The following TCF7L2 variants were observed in gnomAD, a reference collection of about 807,000 sequenced individuals.
TCF7L2 encodes the protein transcription factor 7 like 2, also known as transcription factor 7-like 2.
A neutral mutation model predicts 77.9 loss-of-function variants in TCF7L2; 23 were observed. The ratio of observed to expected loss-of-function variants is 0.30; its 90% CI spans 0.21 to 0.42. TCF7L2 has a LOEUF of 0.42. TCF7L2 is among the 10% of genes least tolerant of loss of function. The pLI, the probability that TCF7L2 is intolerant of heterozygous loss-of-function variation, is 1.00. For synonymous variants in TCF7L2, 413 were observed against 340.2 expected, an observed-to-expected ratio of 1.21 and a Z score of -2.36; for missense variants, 654 against 793.1, an observed-to-expected ratio of 0.82 and a Z score of 2.11.
rs141751715 is a variant in TCF7L2, at chr10:113,045,610, C to A, written c.552+5484C>A. ...GGCCAGAGACTGGGCTTCTGGGTGT[C>A]GTGCTGTGACTGCTGCAAAGGGCTC... is the stretch of plus-strand genomic sequence containing the variant. On this transcript the variant is annotated intron_variant, in intron 5 of 13. Transcript: ENST00000627217. 3.0e-3 allele frequency among the ~76,000 whole-genome samples: 461 copies of A among 152,150 alleles called. 1 individual carries two copies. The highest frequency in any genetic ancestry group is 0.02 in the Middle Eastern group (6 of 294).
At chr10:113,156,011 C>T (rs554854082) in intron 11 of TCF7L2, among the ~76,000 whole-genome samples, 1 of 152,340 alleles carries the variant, frequency 6.6e-6, no homozygotes, top group Admixed American at 6.5e-5. Context: ...TAGGCCATTT[C>T]TACAACAGAT....
At chr10:112,970,960 A>G (rs184462707) in intron 4 of TCF7L2, among the ~76,000 whole-genome samples, 40 of 152,316 alleles carry the variant, frequency 2.6e-4, no homozygotes, top group Non-Finnish European at 4.4e-5. Flanking sequence ...TCATTTCACT[A>G]GAGTAGTTTG....
At chr10:113,154,127 C>T (rs148840329) in intron 11 of TCF7L2, among the ~76,000 whole-genome samples, 63 of 152,262 alleles carry the variant, frequency 4.1e-4, no homozygotes, top group Non-Finnish European at 7.5e-4. Context: ...TCTGTTTGTC[C>T]CCAGCATGTG....
At chr10:113,165,460 C>A in intron 13 of TCF7L2, 95 bp from the exon 15 acceptor site, 1 of 1,389,560 alleles carries the variant, frequency 7.2e-7, no homozygotes, top group Admixed American at 1.8e-5. Context: ...TGGGACATCC[C>A]TTAGGTGACC....
chr10:113,008,506 C>T (rs1022041547), intron 4 of TCF7L2, among the ~76,000 whole-genome samples: 1 of 152,166 alleles, frequency 6.6e-6, no homozygotes, highest in Non-Finnish European at 1.5e-5. Context: ...CATCCCTTAT[C>T]GCTATAACGC....
At chr10:113,145,986 C>T (rs763742901) in intron 7 of TCF7L2, 25 bp from the exon 8 acceptor site, 16 of 876,494 alleles carry the variant, frequency 1.8e-5, no homozygotes, top group South Asian at 4.2e-5. Context: ...TTTCAAGTCT[C>T]TTACTTTGTA....
chr10:113,121,970 A>G (rs1013404614), intron 5 of TCF7L2, among the ~76,000 whole-genome samples: 31 of 152,256 alleles, frequency 2.0e-4, no homozygotes, highest in African/African-American at 5.3e-4. Flanking sequence ...GAACAACAGT[A>G]ACACAATCAT....
chr10:113,076,538 A>G (rs1276623255), intron 5 of TCF7L2, among the ~76,000 whole-genome samples: 1 of 152,208 alleles, frequency 6.6e-6, no homozygotes, highest in Non-Finnish European at 1.5e-5. Context: ...ATAGCTCCAG[A>G]TTACCTTGTA....
At chr10:112,960,897 T>G (rs2034920210) in intron 3 of TCF7L2, among the ~76,000 whole-genome samples, 1 of 152,100 alleles carries the variant, frequency 6.6e-6, no homozygotes, top group Non-Finnish European at 1.5e-5. Context: ...TTCGCCATCT[T>G]GGCCAGGCTG....
chr10:112,996,797 G>A (rs1564762324), intron 4 of TCF7L2, among the ~76,000 whole-genome samples: 1 of 152,208 alleles, frequency 6.6e-6, no homozygotes, highest in Non-Finnish European at 1.5e-5. Flanking sequence ...AAAAGGCTGA[G>A]CTGGGACCAG....
chr10:112,951,674 T>C (rs1381507636), intron 3 of TCF7L2, 67 bp downstream of exon 3: 9 of 873,614 alleles, frequency 1.0e-5, no homozygotes, highest in South Asian at 5.5e-5. Context: ...GGGCCCCGCA[T>C]GCGGCCCCTG....
intron 5 of TCF7L2, among the ~76,000 whole-genome samples, chr10:113,048,976 GA>G (rs1461056054): frequency 6.6e-6 from 1 of 152,096 alleles, no homozygotes; most frequent in East Asian, 1.9e-4. Flanking sequence ...CATAGAAGGA[GA>G]AAACAACTGG....
At chr10:112,982,517 T>C (rs183071073) in intron 4 of TCF7L2, among the ~76,000 whole-genome samples, 9 of 152,312 alleles carry the variant, frequency 5.9e-5, no homozygotes, top group Admixed American at 2.0e-4. Context: ...AGTGGTGATA[T>C]ATTGTGGCGC....
At chr10:112,952,598 C>T (rs768281333) in intron 3 of TCF7L2, among the ~76,000 whole-genome samples, 21 of 152,194 alleles carry the variant, frequency 1.4e-4, no homozygotes, top group Non-Finnish European at 2.8e-4. Flanking sequence ...CGTGTAGGCC[C>T]GTCGTGGGCC....
intron 5 of TCF7L2, among the ~76,000 whole-genome samples, chr10:113,116,845 T>C (rs1401539138): frequency 1.3e-5 from 2 of 152,124 alleles, no homozygotes; most frequent in Non-Finnish European, 2.9e-5. Flanking sequence ...TGAAAGAAAA[T>C]CATTAATCTT....
intron 4 of TCF7L2, among the ~76,000 whole-genome samples, chr10:112,989,362 A>T (rs2042118771): frequency 7.1e-6 from 1 of 140,192 alleles, no homozygotes; most frequent in African/African-American, 2.6e-5. Flanking sequence ...GTTCACCATT[A>T]AAAAAAAAAA....
chr10:113,097,646 G>GGAAAA (rs1491308139), intron 5 of TCF7L2, among the ~76,000 whole-genome samples: 1 of 36,734 alleles, frequency 2.7e-5, no homozygotes, highest in African/African-American at 1.1e-4. Flanking sequence ...TCTTGTCTCG[G>GGAAAA]AAAAAAAAAA....
chr10:113,147,513 A>G (rs187046574), intron 8 of TCF7L2, among the ~76,000 whole-genome samples: 1 of 152,338 alleles, frequency 6.6e-6, no homozygotes, highest in African/African-American at 2.4e-5. Flanking sequence ...GTTAGGTAGG[A>G]AAACGCTCGT....
intron 3 of TCF7L2, among the ~76,000 whole-genome samples, chr10:112,959,605 C>G (rs2034540276): frequency 1.3e-5 from 2 of 152,174 alleles, no homozygotes; most frequent in South Asian, 4.1e-4. Flanking sequence ...GTGTCTAGAT[C>G]TCTGCAGGAA....
Sources: allele counts gnomAD v4.1 joint callset (sites outside exome capture counted in the v4.1 genomes callset), GRCh38; gene constraint gnomAD v4.1.1; transcripts MANE v1.5; gene names NCBI Gene and HGNC (gene_info 2026-07-23, HGNC 2026-07-21).